EPHA3: variants seen among roughly 807,000 people sequenced by gnomAD.
The protein encoded by EPHA3 is ephrin type-A receptor 3.
Under a neutral mutation model 107.1 loss-of-function variants are expected in EPHA3, and 42 were observed. The observed-to-expected ratio is 0.39, with a 90% CI of 0.31 to 0.51. EPHA3 has a LOEUF of 0.51. Among genes scored for constraint, EPHA3 ranks in the 20% least tolerant of loss-of-function variants. The probability of loss-of-function intolerance (pLI) is 0.78; values close to 1 mark genes in which losing one functional copy is unlikely to be tolerated. For missense variants in EPHA3, 1,183 were observed against 1,211.2 expected (o/e 0.98, Z 0.35); for synonymous variants, 461 against 424.8 (o/e 1.09, Z -1.05).
chr3:89,423,568 C>T (rs1709395175), intron 11 of EPHA3, among the ~76,000 whole-genome samples: 1 of 151,006 alleles, frequency 6.6e-6, no homozygotes, highest in South Asian at 2.1e-4. Context: ...CTCTAATGAC[C>T]CAAGTTTTAT....
intron 2 of EPHA3, among the ~76,000 whole-genome samples, chr3:89,149,079 A>G (rs1704633818): frequency 6.6e-6 from 1 of 151,982 alleles, no homozygotes; most frequent in Admixed American, 6.6e-5. Flanking sequence ...AAATGGGAGC[A>G]TGGTTTTTCC....
At chr3:89,390,459 G>A (rs1374736921) in intron 5 of EPHA3, among the ~76,000 whole-genome samples, 2 of 152,098 alleles carry the variant, frequency 1.3e-5, no homozygotes, top group East Asian at 3.9e-4. Flanking sequence ...AATTAGCTAG[G>A]CATGGTGGCC....
intron 1 of EPHA3, among the ~76,000 whole-genome samples, chr3:89,114,052 AAACC>A (rs1707190422): frequency 6.6e-6 from 1 of 152,154 alleles, no homozygotes; most frequent in Non-Finnish European, 1.5e-5. Context: ...CACATAATCC[AAACC>A]AACATGGTGA....
intron 3 of EPHA3, among the ~76,000 whole-genome samples, chr3:89,262,570 T>G (rs1041334651): frequency 6.6e-6 from 1 of 152,246 alleles, no homozygotes; most frequent in Non-Finnish European, 1.5e-5. Context: ...CAATATGTCC[T>G]CATCTTAATG....
chr3:89,187,501 C>T (rs1442783735), intron 2 of EPHA3, among the ~76,000 whole-genome samples: 2 of 151,328 alleles, frequency 1.3e-5, no homozygotes, highest in South Asian at 4.2e-4. Flanking sequence ...TTACAATATA[C>T]TTATTGAATA....
chr3:89,287,907 G>C (rs565175283), intron 3 of EPHA3, among the ~76,000 whole-genome samples: 12 of 152,088 alleles, frequency 7.9e-5, no homozygotes, highest in African/African-American at 2.9e-4. Flanking sequence ...CACATCAACT[G>C]TCCATCTTTT....
In EPHA3 at chr3:89,358,572, T is replaced by C. The variant is rs1015525271; in HGVS notation, c.1306+16482T>C. On this transcript the variant is annotated intron_variant, in intron 5 of 16. Coordinates refer to ENST00000336596, the MANE Select transcript of EPHA3 (RefSeq NM_005233.6). Reference sequence around the variant, plus strand: ...AAGGTTTCATGAATACAGCATGAAGTTGATTGGTTTGGCCAAGAAAAGACA... The same window carrying C: ...AAGGTTTCATGAATACAGCATGAAGCTGATTGGTTTGGCCAAGAAAAGACA... 2.6e-5 allele frequency among the ~76,000 whole-genome samples: 4 copies of C among 150,980 alleles called. 1 individual carries two copies. Among genetic ancestry groups the C allele is most frequent in the Admixed American group, 1.3e-4 (2 of 15,046 alleles).
rs201721776 is a variant in EPHA3, at chr3:89,128,891, C to CT, written c.153+1619dup. ...GGAAATGAATTCCCCCATTGTTATT[C>CT]TCATAGATAATGTGATGGGATAGAG... On this transcript the variant is annotated intron_variant, in intron 2 of 16. Coordinates refer to ENST00000336596, the MANE Select transcript of EPHA3 (RefSeq NM_005233.6). Among the ~76,000 whole-genome samples the CT allele has an allele frequency of 9.0e-3, 1,367 of 152,050 alleles. 11 individuals carry two copies. Among genetic ancestry groups the CT allele is most frequent in the East Asian group, 0.028 (143 of 5,166 alleles).
intron 1 of EPHA3, among the ~76,000 whole-genome samples, chr3:89,115,800 C>G (rs1345258139): frequency 6.6e-6 from 1 of 152,096 alleles, no homozygotes; most frequent in Non-Finnish European, 1.5e-5. Context: ...CTAAGCCAAG[C>G]CCTCTCTCGT....
rs1709088362 is a variant in EPHA3, at chr3:89,408,107, AG to A, written c.1739del (p.Arg580AsnfsTer9). 6.2e-7 allele frequency: 1 copy of A among 1,612,830 alleles called. No homozygotes were observed. Among genetic ancestry groups the A allele is most frequent in the Admixed American group, 1.7e-5 (1 of 59,950 alleles). ...GTCAAAACATGGGGCAGATGAAAAA[AG>A]ACTTCATTTTGGCAATGGGCATTGT... Reference protein sequence around the residue: ...YKSKHGADEKRLHFGNGHLKL... With the variant: ...YKSKHGADEKXLHFGNGHLKL... On this transcript the variant is annotated frameshift_variant, in exon 9 of 17. Transcript: ENST00000336596. LOFTEE classifies it high-confidence loss of function.
At chr3:89,129,083 G>T (rs1704147826) in intron 2 of EPHA3, among the ~76,000 whole-genome samples, 1 of 152,118 alleles carries the variant, frequency 6.6e-6, no homozygotes, top group Non-Finnish European at 1.5e-5. Flanking sequence ...ATCAGAATGT[G>T]TATCTCAATA....
At chr3:89,140,348 G>C (rs1351107498) in intron 2 of EPHA3, among the ~76,000 whole-genome samples, 1 of 151,752 alleles carries the variant, frequency 6.6e-6, no homozygotes, top group East Asian at 1.9e-4. Context: ...AAAACAGAAG[G>C]ATTGGATATG....
chr3:89,339,188 T>A (rs1707460013), intron 3 of EPHA3, among the ~76,000 whole-genome samples: 1 of 151,760 alleles, frequency 6.6e-6, no homozygotes, highest in Admixed American at 6.6e-5. Flanking sequence ...CTGACCAACA[T>A]GGTGAAACTC....
chr3:89,202,092 T>C (rs1474329761), intron 2 of EPHA3, among the ~76,000 whole-genome samples: 1 of 152,182 alleles, frequency 6.6e-6, no homozygotes, highest in East Asian at 1.9e-4. Flanking sequence ...CTTCACATGA[T>C]AATCTTTCCT....
chr3:89,442,045 C>T (rs1412810466), intron 13 of EPHA3, among the ~76,000 whole-genome samples: 14 of 151,932 alleles, frequency 9.2e-5, no homozygotes, highest in Admixed American at 9.2e-4. Flanking sequence ...TGCTTGGTTA[C>T]TTATACCTCC....
intron 13 of EPHA3, among the ~76,000 whole-genome samples, chr3:89,441,731 A>G (rs1709790189): frequency 6.6e-6 from 1 of 152,194 alleles, no homozygotes; most frequent in Admixed American, 6.5e-5. Context: ...GTCACAATCA[A>G]GAACAGAAAT....
chr3:89,173,354 C>A (rs1182654837), intron 2 of EPHA3, among the ~76,000 whole-genome samples: 1 of 151,898 alleles, frequency 6.6e-6, no homozygotes, highest in East Asian at 1.9e-4. Flanking sequence ...ATATATCAAC[C>A]CTTACATAGG....
At chr3:89,375,242 T>A (rs952926882) in intron 5 of EPHA3, among the ~76,000 whole-genome samples, 1 of 151,826 alleles carries the variant, frequency 6.6e-6, no homozygotes, top group Admixed American at 6.6e-5. Context: ...TAAAGCTTTA[T>A]ATGGTCTCGG....
intron 2 of EPHA3, among the ~76,000 whole-genome samples, chr3:89,174,855 A>G (rs931381905): frequency 6.6e-6 from 1 of 151,948 alleles, no homozygotes; most frequent in Non-Finnish European, 1.5e-5. Context: ...TTGACCCTAC[A>G]TTTTTAAAAA....
Sources: allele counts gnomAD v4.1 joint callset (sites outside exome capture counted in the v4.1 genomes callset), GRCh38; gene constraint gnomAD v4.1.1; transcripts MANE v1.5; gene names NCBI Gene and HGNC (gene_info 2026-07-23, HGNC 2026-07-21).